Variants in TNS3 observed in about 807,000 individuals in gnomAD.
TNS3 encodes tensin 3, also known as tensin-3.
A neutral mutation model predicts 140.9 loss-of-function variants in TNS3; 45 were observed. That is an observed-to-expected ratio of 0.32 (90% CI 0.25 to 0.41). TNS3 has a LOEUF of 0.41. TNS3 is among the 10% of genes least tolerant of loss of function. The probability of loss-of-function intolerance (pLI) is 1.00; values close to 1 mark genes in which losing one functional copy is unlikely to be tolerated. For missense variants in TNS3, 1,716 were observed against 1,906.7 expected (o/e 0.90, Z 1.86); for synonymous variants, 815 against 788.4 (o/e 1.03, Z -0.56).
At chr7:47,430,880 C>T (rs1054523304) in intron 8 of TNS3, among the ~76,000 whole-genome samples, 2 of 151,932 alleles carry the variant, frequency 1.3e-5, no homozygotes, top group Non-Finnish European at 2.9e-5. Flanking sequence ...GCCACCACAC[C>T]CAGCTAATTT....
At chr7:47,405,428 T>C (rs1793390098) in intron 13 of TNS3, 2 of 689,520 alleles carry the variant, frequency 2.9e-6, no homozygotes, top group Admixed American at 2.1e-5. Flanking sequence ...ACCGCATATT[T>C]GGAGGGTAAA....
chr7:47,546,265 A>G (rs1234075881), intron 1 of TNS3, among the ~76,000 whole-genome samples: 1 of 152,116 alleles, frequency 6.6e-6, no homozygotes, highest in East Asian at 1.9e-4. Flanking sequence ...GACCTTAACC[A>G]TCTTACCTGA....
intron 20 of TNS3, among the ~76,000 whole-genome samples, chr7:47,339,081 G>C (rs1253763465): frequency 6.6e-6 from 1 of 152,108 alleles, no homozygotes; most frequent in South Asian, 2.1e-4. Flanking sequence ...AGTATTGAGA[G>C]ATTATATACA....
At chr7:47,478,326 C>G (rs1414789167) in intron 4 of TNS3, among the ~76,000 whole-genome samples, 1 of 152,070 alleles carries the variant, frequency 6.6e-6, no homozygotes, top group Non-Finnish European at 1.5e-5. Context: ...GGGACCACAC[C>G]TGGGGGCCAG....
At chr7:47,488,055 G>A (rs957477862) in intron 3 of TNS3, among the ~76,000 whole-genome samples, 1 of 152,164 alleles carries the variant, frequency 6.6e-6, no homozygotes, top group Non-Finnish European at 1.5e-5. Flanking sequence ...CAGCCTGGTT[G>A]CAAGGAGGGT....
At chr7:47,366,311 G>C (rs2151129201) in intron 17 of TNS3, among the ~76,000 whole-genome samples, 1 of 152,270 alleles carries the variant, frequency 6.6e-6, no homozygotes, top group Non-Finnish European at 1.5e-5. Flanking sequence ...ACTCATGGGG[G>C]ACTCTCCAGG....
intron 4 of TNS3, among the ~76,000 whole-genome samples, chr7:47,473,283 C>T (rs1014028782): frequency 6.6e-6 from 1 of 152,190 alleles, no homozygotes; most frequent in East Asian, 1.9e-4. Context: ...CACCTGGATG[C>T]TGATCTAACA....
At chr7:47,414,561 G>A (rs937611875) in intron 11 of TNS3, among the ~76,000 whole-genome samples, 14 of 152,190 alleles carry the variant, frequency 9.2e-5, no homozygotes, top group Non-Finnish European at 5.9e-5. Context: ...TGGGGATGTG[G>A]AGACAGGGCC....
Position 47,345,025 on chromosome 7 carries a change from C to T in TNS3, c.2465G>A (p.Gly822Asp). Residue 822 changes from glycine to aspartate, a missense_variant, in exon 19 of 31, where the codon GGC becomes GAC. Physicochemically the swap from Gly to Asp is moderately conservative, Grantham distance 94. This residue lies in a region of TNS3 where 1,163 missense variants were observed against 1,182.1 expected (regional missense o/e 0.98). Coordinates refer to ENST00000311160, the MANE Select transcript of TNS3 (RefSeq NM_022748.12). The part of the protein sequence containing the change: ...PADVKETMTP[G>D]YPQDLDIIDG... ...GATAATATCGAGGTCCTGGGGATAG[C>T]CAGGGGTCATCGTCTGAAATTGGCA... 6.2e-7 allele frequency: 1 copy of T among 1,613,904 alleles called. No homozygotes were observed.
intron 1 of TNS3, among the ~76,000 whole-genome samples, chr7:47,565,365 G>A (rs546808008): frequency 2.0e-5 from 3 of 149,994 alleles, no homozygotes; most frequent in South Asian, 4.2e-4. Context: ...ATGAGCCACC[G>A]CGCCCGGCCT....
intron 17 of TNS3, among the ~76,000 whole-genome samples, chr7:47,367,650 C>T (rs1033677766): frequency 1.3e-5 from 2 of 152,138 alleles, no homozygotes; most frequent in African/African-American, 2.4e-5. Flanking sequence ...GCCCCCGCAC[C>T]GGGTCCCATG....
intron 1 of TNS3, among the ~76,000 whole-genome samples, chr7:47,574,709 A>G (rs1364818346): frequency 6.6e-6 from 1 of 152,192 alleles, no homozygotes; most frequent in African/African-American, 2.4e-5. Flanking sequence ...ATGCTACAAC[A>G]TGGATGAAAC....
chr7:47,575,077 GTC>G (rs754915390), intron 1 of TNS3, among the ~76,000 whole-genome samples: 8 of 152,188 alleles, frequency 5.3e-5, no homozygotes, highest in Non-Finnish European at 1.2e-4. Context: ...ATGCCAAAGA[GTC>G]TGCTAGAAAT....
chr7:47,568,533 G>A, intron 1 of TNS3, among the ~76,000 whole-genome samples: 1 of 152,258 alleles, frequency 6.6e-6, no homozygotes, highest in Non-Finnish European at 1.5e-5. Flanking sequence ...GAATGAGTGA[G>A]TGAATGAATG....
At chr7:47,344,234 C>T (rs948267941) in intron 20 of TNS3, among the ~76,000 whole-genome samples, 4 of 152,158 alleles carry the variant, frequency 2.6e-5, no homozygotes, top group East Asian at 3.8e-4. Flanking sequence ...AACACTCTCT[C>T]GCCTGAGCCA....
intron 16 of TNS3, among the ~76,000 whole-genome samples, chr7:47,376,187 C>T (rs1001327): frequency 0.012 from 1,885 of 152,256 alleles, 42 homozygotes; most frequent in African/African-American, 0.042. Flanking sequence ...AATGGACAAG[C>T]CCCCTTGGGG....
chr7:47,398,258 C>T lies in TNS3; in HGVS notation c.920-1354G>A, dbSNP rs576047641. Among the ~76,000 whole-genome samples the T allele has an allele frequency of 1.1e-4, 17 of 152,226 alleles. No individual in the cohort carries two copies. The East Asian group carries it at 3.1e-3, about 28-fold the overall frequency. On this transcript the variant is annotated intron_variant, in intron 15 of 30. Transcript: ENST00000311160. ...CAAAGAAGAACTGGTGCCAATCCTACTGAACAATTCCAAAAGACTGAGAAA... is the reference window on the plus strand; with the variant it reads ...CAAAGAAGAACTGGTGCCAATCCTATTGAACAATTCCAAAAGACTGAGAAA...
chr7:47,514,680 A>G (rs980577363), intron 2 of TNS3, among the ~76,000 whole-genome samples: 2 of 151,962 alleles, frequency 1.3e-5, no homozygotes, highest in Non-Finnish European at 2.9e-5. Context: ...ATCCTGTCTC[A>G]TTCCATGATA....
At chr7:47,471,231 G>T (rs935734743) in intron 4 of TNS3, among the ~76,000 whole-genome samples, 1 of 152,278 alleles carries the variant, frequency 6.6e-6, no homozygotes, top group African/African-American at 2.4e-5. Flanking sequence ...ACAACCACAG[G>T]CATCAGTCCC....
Sources: gnomAD v4.1 joint callset for allele counts (sites outside exome capture counted in the v4.1 genomes callset) on GRCh38, gnomAD v4.1.1 for gene constraint, gnomAD v4.1.1 regional missense constraint, MANE v1.5 for transcripts, NCBI Gene and HGNC (gene_info 2026-07-23, HGNC 2026-07-21) for gene names.